The following NRXN1 variants were observed in gnomAD, a reference collection of about 807,000 sequenced individuals.
The protein encoded by NRXN1 is neurexin-1.
NRXN1 carries 39 observed loss-of-function variants against 150.9 expected under a neutral mutation model. That is an observed-to-expected ratio of 0.26 (90% CI 0.20 to 0.34). The LOEUF (loss-of-function observed/expected upper bound fraction) is 0.34. Among genes scored for constraint, NRXN1 ranks in the 10% least tolerant of loss-of-function variants. The probability of loss-of-function intolerance (pLI) is 1.00; values close to 1 mark genes in which losing one functional copy is unlikely to be tolerated. For missense variants in NRXN1, 1,815 were observed against 1,949.9 expected, an observed-to-expected ratio of 0.93 and a Z score of 1.30; for synonymous variants, 924 against 757.0, an observed-to-expected ratio of 1.22 and a Z score of -3.62.
intron 5 of NRXN1, among the ~76,000 whole-genome samples, chr2:50,876,106 G>C (rs568448446): frequency 6.6e-6 from 1 of 151,878 alleles, no homozygotes; most frequent in African/African-American, 2.4e-5. Flanking sequence ...CTCCTGGATT[G>C]TAACTATTAA....
chr2:50,693,859 G>A (rs376101022), intron 5 of NRXN1, among the ~76,000 whole-genome samples: 11 of 152,228 alleles, frequency 7.2e-5, no homozygotes, highest in African/African-American at 1.9e-4. Context: ...TGGTGCAACC[G>A]TAGCTTATTG....
intron 18 of NRXN1, among the ~76,000 whole-genome samples, chr2:50,204,882 T>C (rs1180114771): frequency 2.6e-5 from 4 of 152,206 alleles, no homozygotes; most frequent in South Asian, 4.1e-4. Context: ...TTATTATTAC[T>C]ATTACTACTA....
At chr2:50,639,067 T>TA (rs1184233458) in intron 5 of NRXN1, among the ~76,000 whole-genome samples, 1 of 151,988 alleles carries the variant, frequency 6.6e-6, no homozygotes, top group African/African-American at 2.4e-5. Context: ...TTTTATACAT[T>TA]AAAAAAATGA....
At chr2:50,984,286 T>C (rs963555435) in intron 2 of NRXN1, among the ~76,000 whole-genome samples, 2 of 151,622 alleles carry the variant, frequency 1.3e-5, no homozygotes, top group African/African-American at 4.8e-5. Flanking sequence ...GAGTGTTCTC[T>C]GTATTAGGCT....
chr2:50,274,233 G>A (rs1345206166), intron 17 of NRXN1, among the ~76,000 whole-genome samples: 3 of 152,274 alleles, frequency 2.0e-5, no homozygotes, highest in Admixed American at 6.5e-5. Context: ...ACAGGGACAT[G>A]GATGAAGCTG....
At chr2:50,830,060 G>A (rs1322605902) in intron 5 of NRXN1, among the ~76,000 whole-genome samples, 1 of 139,864 alleles carries the variant, frequency 7.1e-6, no homozygotes, top group African/African-American at 2.7e-5. Flanking sequence ...CTCTGGCTGT[G>A]GCAAATAGAA....
At chr2:50,446,554 CCTT>C (rs1314759177) in intron 17 of NRXN1, among the ~76,000 whole-genome samples, 1 of 129,068 alleles carries the variant, frequency 7.7e-6, no homozygotes, top group Non-Finnish European at 1.6e-5. Context: ...TTCCTTCCCT[CCTT>C]CTTTCCTTCC....
At chr2:50,485,043 T>C (rs6735458) in intron 15 of NRXN1, among the ~76,000 whole-genome samples, 8,455 of 152,300 alleles carry the variant, frequency 0.056, 814 homozygotes, top group African/African-American at 0.19. Context: ...TCTATTGCTT[T>C]GTGCTACGTG....
At chr2:50,192,387 T>G (rs1031822479) in intron 18 of NRXN1, among the ~76,000 whole-genome samples, 5 of 152,128 alleles carry the variant, frequency 3.3e-5, no homozygotes, top group African/African-American at 1.2e-4. Flanking sequence ...CTGAAAATAG[T>G]TGGATTAAAC....
intron 17 of NRXN1, among the ~76,000 whole-genome samples, chr2:50,384,512 A>AT (rs2081187113): frequency 2.7e-4 from 20 of 73,922 alleles, no homozygotes; most frequent in African/African-American, 8.4e-4. Flanking sequence ...TCTCAAAAAA[A>AT]AAAAAAAAAA....
chr2:50,137,130 A>G (rs893331110), intron 18 of NRXN1, among the ~76,000 whole-genome samples: 1 of 152,244 alleles, frequency 6.6e-6, no homozygotes, highest in East Asian at 1.9e-4. Context: ...GAATGTGTTA[A>G]GTAGCTCAGA....
chr2:50,922,527 C>T, intron 4 of NRXN1, 131 bp downstream of exon 4: 1 of 895,264 alleles, frequency 1.1e-6, no homozygotes, highest in Non-Finnish European at 1.8e-6. Context: ...AAAATGTGAA[C>T]AAAAGATATG....
chr2:50,847,343 T>C (rs1277408679), intron 5 of NRXN1, among the ~76,000 whole-genome samples: 2 of 152,192 alleles, frequency 1.3e-5, no homozygotes, highest in African/African-American at 4.8e-5. Context: ...TAGAGGGATA[T>C]ATCATCCGTC....
chr2:50,016,388 T>TG (rs1480313408), intron 21 of NRXN1: 1 of 152,146 alleles, frequency 6.6e-6, no homozygotes, highest in Non-Finnish European at 1.5e-5. Flanking sequence ...TTGCCGGTGA[T>TG]GGGGGAGAAG....
intron 6 of NRXN1, among the ~76,000 whole-genome samples, chr2:50,622,069 C>T (rs992802753): frequency 2.6e-5 from 4 of 152,178 alleles, no homozygotes; most frequent in Admixed American, 2.6e-4. Context: ...AAAAGGAAAA[C>T]CAAAGAGACA....
intron 12 of NRXN1, among the ~76,000 whole-genome samples, chr2:50,520,687 A>G (rs532709382): frequency 1.1e-4 from 16 of 151,966 alleles, no homozygotes; most frequent in Non-Finnish European, 1.9e-4. Context: ...GATTACCAAT[A>G]TATTATTTTT....
At chr2:51,022,493 G>A (rs1669770358) in intron 2 of NRXN1, among the ~76,000 whole-genome samples, 2 of 152,068 alleles carry the variant, frequency 1.3e-5, no homozygotes, top group African/African-American at 2.4e-5. Flanking sequence ...TAGTAACTCA[G>A]TTTTTATTAT....
chr2:50,459,671 T>C (rs552947363), intron 17 of NRXN1, among the ~76,000 whole-genome samples: 8 of 152,294 alleles, frequency 5.3e-5, no homozygotes, highest in South Asian at 2.1e-4. Context: ...CATGGTATTC[T>C]ATGGTGTATA....
intron 5 of NRXN1, among the ~76,000 whole-genome samples, chr2:50,845,107 C>A (rs1460737156): frequency 1.3e-5 from 2 of 152,130 alleles, no homozygotes; most frequent in Non-Finnish European, 2.9e-5. Context: ...CCTCCCTCAT[C>A]AGCCTCCCAA....
Sources: allele counts gnomAD v4.1 joint callset (sites outside exome capture counted in the v4.1 genomes callset), GRCh38; gene constraint gnomAD v4.1.1; transcripts MANE v1.5; gene names NCBI Gene and HGNC (gene_info 2026-07-23, HGNC 2026-07-21).